Variants in SPTSSB observed in about 807,000 individuals in gnomAD.
SPTSSB encodes androgen down regulated in mouse prostate.
A neutral mutation model predicts 7.7 loss-of-function variants in SPTSSB; 6 were observed. The ratio of observed to expected loss-of-function variants is 0.78; its 90% CI spans 0.43 to 1.54. The LOEUF (loss-of-function observed/expected upper bound fraction) is 1.54. SPTSSB is among the 40% of genes most tolerant of loss of function. The pLI, the probability that SPTSSB is intolerant of heterozygous loss-of-function variation, is 0.01. For missense variants in SPTSSB, 91 were observed against 93.0 expected, an observed-to-expected ratio of 0.98 and a Z score of 0.09; for synonymous variants, 28 against 29.7, an observed-to-expected ratio of 0.94 and a Z score of 0.19.
rs182709963 is a variant in SPTSSB at position 161,362,794 on chromosome 3, C to T, written c.-125-2900G>A. 2.6e-4 allele frequency among the ~76,000 whole-genome samples: 40 copies of T among 152,034 alleles called. No homozygotes were observed. In the East Asian group the frequency reaches 6.2e-3, roughly 23 times the overall value. On this transcript the variant is annotated intron_variant, in intron 1 of 2. Transcript: ENST00000620149. Reference sequence around the variant, plus strand: ...ATGAAAATTGAGTAAGCACTTTCTACGGTATCTAATTTAGTGAGTAGTAGT... The same window carrying T: ...ATGAAAATTGAGTAAGCACTTTCTATGGTATCTAATTTAGTGAGTAGTAGT...
At chr3:161,367,397 C>G (rs934610729) in intron 1 of SPTSSB, among the ~76,000 whole-genome samples, 2 of 152,126 alleles carry the variant, frequency 1.3e-5, no homozygotes, top group Non-Finnish European at 2.9e-5. Flanking sequence ...TTCCTGAAGC[C>G]GGTAGACTTA....
rs1714139968 is a variant in SPTSSB, at chr3:161,344,946, A to C, written c.*1147T>G. The C allele has an allele frequency of 6.6e-6, 1 of 152,540 alleles. No individual in the cohort carries two copies. Among genetic ancestry groups the C allele is most frequent in the African/African-American group, 2.4e-5 (1 of 41,416 alleles). The allele number at this position is 152,540 out of a possible 1,614,324, so 9.4% of individuals were successfully genotyped here. On this transcript the variant is annotated 3_prime_UTR_variant, in exon 3 of 3. Coordinates refer to ENST00000620149, the MANE Select transcript of SPTSSB (RefSeq NM_001040100.2). ...CTTTCTCTCTAGCTCACCTTGGAAA[A>C]ATTTTTTTCATAACACAAACAAGGG...
chr3:161,371,454 C>A lies in SPTSSB; in HGVS notation c.-145G>T. The A allele has an allele frequency of 1.0e-6, 1 of 985,426 alleles. No individual in the cohort carries two copies. Among genetic ancestry groups the A allele is most frequent in the Non-Finnish European group, 1.2e-6 (1 of 829,960 alleles). The allele number at this position is 985,426 out of a possible 1,614,324, so 61.0% of individuals were successfully genotyped here. A position where few individuals can be genotyped will look rare whatever the true frequency, so the allele number is the denominator to read the frequency against. Reference sequence around the variant, plus strand: ...GCTTACCTCCCAGTTGGGTGTATCTCCCTGCGGCTTAGGTGAGCGCCGAGG... The same window carrying A: ...GCTTACCTCCCAGTTGGGTGTATCTACCTGCGGCTTAGGTGAGCGCCGAGG... On this transcript the variant is annotated 5_prime_UTR_variant, in exon 1 of 3. Coordinates refer to ENST00000620149, the MANE Select transcript of SPTSSB (RefSeq NM_001040100.2).
chr3:161,346,668 C>A (rs1199358359), intron 2 of SPTSSB, among the ~76,000 whole-genome samples: 1 of 152,138 alleles, frequency 6.6e-6, no homozygotes. Flanking sequence ...AGGTTAGCCT[C>A]ATTTTCCTGA....
Position 161,366,310 on chromosome 3 carries a change from T to C in SPTSSB, c.-126+5125A>G, listed in dbSNP as rs138806263. ...TGTTATTATAATGCAGTGATTTACA[T>C]AGGTTGTAATTCGCGAGAGCAGGTG... On this transcript the variant is annotated intron_variant, in intron 1 of 2. Transcript: ENST00000620149. Among the ~76,000 whole-genome samples, 575 of 152,336 alleles carry C rather than the reference T, an allele frequency of 3.8e-3. 4 individuals are homozygous for C. The highest frequency in any genetic ancestry group is 0.013 in the African/African-American group (545 of 41,576).
intron 2 of SPTSSB, among the ~76,000 whole-genome samples, chr3:161,352,179 A>G (rs1457827830): frequency 2.0e-5 from 3 of 152,200 alleles, no homozygotes; most frequent in Non-Finnish European, 4.4e-5. Context: ...ATTTCCTATG[A>G]AATAAAACCT....
At chr3:161,350,566 A>C (rs1269974052) in intron 2 of SPTSSB, among the ~76,000 whole-genome samples, 2 of 152,122 alleles carry the variant, frequency 1.3e-5, no homozygotes, top group African/African-American at 4.8e-5. Context: ...AAATCTGAGA[A>C]GTGATAAAAG....
At chr3:161,357,783 A>C (rs1183903113) in intron 2 of SPTSSB, among the ~76,000 whole-genome samples, 1 of 120,618 alleles carries the variant, frequency 8.3e-6, no homozygotes, top group East Asian at 3.4e-4. Context: ...GCCACAAGCC[A>C]AAAAAAAATG....
intron 2 of SPTSSB, 58 bp from the exon 3 acceptor site, chr3:161,346,413 A>C: frequency 1.2e-6 from 1 of 820,068 alleles, no homozygotes; most frequent in Middle Eastern, 2.4e-4. Context: ...TCACTTTAAA[A>C]TTTCATGATC....
At chr3:161,355,658 A>G (rs908095090) in intron 2 of SPTSSB, among the ~76,000 whole-genome samples, 1 of 152,190 alleles carries the variant, frequency 6.6e-6, no homozygotes, top group Non-Finnish European at 1.5e-5. Context: ...AAACAGAAAA[A>G]TGATGGTTGT....
chr3:161,348,623 C>G (rs1335367906), intron 2 of SPTSSB, among the ~76,000 whole-genome samples: 1 of 152,224 alleles, frequency 6.6e-6, no homozygotes, highest in Admixed American at 6.5e-5. Context: ...TACCCCAAAT[C>G]TGCAATGACT....
At chr3:161,351,996 T>C (rs749357224) in intron 2 of SPTSSB, among the ~76,000 whole-genome samples, 1 of 152,234 alleles carries the variant, frequency 6.6e-6, no homozygotes, top group Non-Finnish European at 1.5e-5. Flanking sequence ...ATTTTCAACA[T>C]TGCAGAATAT....
rs748962372 is a variant in SPTSSB, at chr3:161,359,718, A to C, written c.-33+84T>G. On this transcript the variant is annotated intron_variant, in intron 2 of 2. Coordinates refer to ENST00000620149, the MANE Select transcript of SPTSSB (RefSeq NM_001040100.2). Reference sequence around the variant, plus strand: ...TTTGCTGGCTGCTTAGGAGAGAACTAGATGTGTTAATGACGCCATCTCACA... The same window carrying C: ...TTTGCTGGCTGCTTAGGAGAGAACTCGATGTGTTAATGACGCCATCTCACA... 3.0e-6 allele frequency: 3 copies of C among 985,030 alleles called. No individual in the cohort carries two copies. In the African/African-American group the frequency reaches 5.2e-5, roughly 17 times the overall value. 61.0% of individuals were successfully genotyped at this position (985,030 alleles called of 1,614,324 possible). A position where few individuals can be genotyped will look rare whatever the true frequency, so the allele number is the denominator to read the frequency against.
chr3:161,362,236 G>A (rs1234322562), intron 1 of SPTSSB, among the ~76,000 whole-genome samples: 1 of 152,050 alleles, frequency 6.6e-6, no homozygotes, highest in Non-Finnish European at 1.5e-5. Context: ...TTCAATGGGT[G>A]AATTAATAAA....
chr3:161,346,046 A>G lies in SPTSSB; in HGVS notation c.*47T>C. ...ATAGTTACCTAAATCAATAAGCTGT[A>G]AGCAACATATAAATATGCAATGCCA... On this transcript the variant is annotated 3_prime_UTR_variant, in exon 3 of 3. Transcript: ENST00000620149. 1.0e-6 allele frequency: 1 copy of G among 991,074 alleles called. No homozygotes were observed. Among genetic ancestry groups the G allele is most frequent in the East Asian group, 2.4e-5 (1 of 40,984 alleles). 61.4% of individuals were successfully genotyped at this position (991,074 alleles called of 1,614,324 possible). A position where few individuals can be genotyped will look rare whatever the true frequency, so the allele number is the denominator to read the frequency against.
At chr3:161,360,265 T>C in intron 1 of SPTSSB, among the ~76,000 whole-genome samples, 1 of 152,208 alleles carries the variant, frequency 6.6e-6, no homozygotes, top group East Asian at 1.9e-4. Flanking sequence ...AGATTTTGTT[T>C]GTAGAAAATA....
At chr3:161,354,440 C>T (rs1359747742) in intron 2 of SPTSSB, among the ~76,000 whole-genome samples, 1 of 152,226 alleles carries the variant, frequency 6.6e-6, no homozygotes, top group Non-Finnish European at 1.5e-5. Context: ...CTCCGGGGCT[C>T]AAGATATTCT....
chr3:161,369,314 CTCTT>C (rs1553804940), intron 1 of SPTSSB, among the ~76,000 whole-genome samples: 5,968 of 65,470 alleles, frequency 0.091, 248 homozygotes, highest in Middle Eastern at 0.2. Flanking sequence ...TTCTTTCTTT[CTCTT>C]TCTTTCTTTC....
intron 2 of SPTSSB, among the ~76,000 whole-genome samples, chr3:161,350,680 A>G (rs1187655776): frequency 6.6e-6 from 1 of 152,218 alleles, no homozygotes; most frequent in Non-Finnish European, 1.5e-5. Context: ...ACTCAAGTAC[A>G]AGCCCTCCTT....
Sources: gnomAD v4.1 joint callset for allele counts (sites outside exome capture counted in the v4.1 genomes callset) on GRCh38, gnomAD v4.1.1 for gene constraint, MANE v1.5 for transcripts, NCBI Gene and HGNC (gene_info 2026-07-23, HGNC 2026-07-21) for gene names.